The following CAST variants were observed in gnomAD, a reference collection of about 807,000 sequenced individuals.
CAST encodes the protein MIR583 host.
A neutral mutation model predicts 119.6 loss-of-function variants in CAST; 76 were observed. The observed-to-expected ratio is 0.64, with a 90% CI of 0.53 to 0.77. The LOEUF is 0.77. Among genes scored for constraint, CAST ranks in the 30% least tolerant of loss-of-function variants. The probability of loss-of-function intolerance (pLI) is 0.00; values close to 1 mark genes in which losing one functional copy is unlikely to be tolerated. For synonymous variants in CAST, 319 were observed against 331.6 expected, an observed-to-expected ratio of 0.96 and a Z score of 0.41; for missense variants, 953 against 946.5, an observed-to-expected ratio of 1.01 and a Z score of -0.09.
chr5:96,464,495 C>G, the CAST span, among the ~76,000 whole-genome samples: 180 of 152,062 alleles, frequency 1.2e-3, 1 homozygote, highest in Admixed American at 7.3e-3. Context: ...TGCCAGTATA[C>G]TAGAGATTTT....
chr5:96,172,822 C>T, the CAST span, among the ~76,000 whole-genome samples: 1 of 152,168 alleles, frequency 6.6e-6, no homozygotes, highest in Non-Finnish European at 1.5e-5. Flanking sequence ...CCAGGAACAA[C>T]GCTTAAATGA....
intron 16 of CAST, chr5:96,743,415 C>G (rs924906038): frequency 2.1e-6 from 1 of 482,560 alleles, no homozygotes; most frequent in Non-Finnish European, 3.6e-6. Context: ...GTTGCCGGTT[C>G]CTGACAAGGC....
the CAST span, among the ~76,000 whole-genome samples, chr5:96,095,437 T>G: frequency 6.6e-6 from 1 of 151,224 alleles, no homozygotes; most frequent in Non-Finnish European, 1.5e-5. Context: ...GCCAGGTGCC[T>G]GTATTCCCAG....
chr5:96,392,173 A>T, the CAST span: 1 of 137,500 alleles, frequency 7.3e-6, no homozygotes. Flanking sequence ...CCCAAGTGTA[A>T]GTTTTTTTTT....
At chr5:96,612,825 G>A (rs1747387394) in intron 1 of CAST, among the ~76,000 whole-genome samples, 1 of 152,040 alleles carries the variant, frequency 6.6e-6, no homozygotes, top group Non-Finnish European at 1.5e-5. Flanking sequence ...TTATCTTTGT[G>A]TATGATATAA....
chr5:96,658,047 C>G (rs187161564), upstream of CAST, among the ~76,000 whole-genome samples: 2 of 151,770 alleles, frequency 1.3e-5, no homozygotes, highest in Non-Finnish European at 2.9e-5. Context: ...TGCGGTGAGC[C>G]GAGATCATGC....
At chr5:96,590,309 A>G (rs1490174718) in intron 1 of CAST, among the ~76,000 whole-genome samples, 1 of 152,220 alleles carries the variant, frequency 6.6e-6, no homozygotes, top group Non-Finnish European at 1.5e-5. Context: ...AGAAGCATTG[A>G]TATAGTTAAC....
the CAST span, among the ~76,000 whole-genome samples, chr5:96,453,604 T>A: frequency 6.6e-6 from 1 of 152,224 alleles, no homozygotes. Flanking sequence ...GTGGTTTTCC[T>A]ATTGACCTAT....
At chr5:96,621,257 A>G (rs532910619) in intron 1 of CAST, among the ~76,000 whole-genome samples, 12 of 152,342 alleles carry the variant, frequency 7.9e-5, no homozygotes, top group Non-Finnish European at 1.2e-4. Flanking sequence ...TTTGGTGGCT[A>G]TATCAGTTCA....
chr5:96,635,224 C>T (rs2150202429), intron 1 of CAST, among the ~76,000 whole-genome samples: 1 of 152,294 alleles, frequency 6.6e-6, no homozygotes, highest in Admixed American at 6.5e-5. Flanking sequence ...CTGAGAAAGG[C>T]ATTTTTGCTG....
intron 11 of CAST, among the ~76,000 whole-genome samples, chr5:96,738,644 ACATGCCAGC>A (rs1394545314): frequency 1.3e-5 from 2 of 151,818 alleles, no homozygotes; most frequent in African/African-American, 2.4e-5. Context: ...TAAAAAAAAG[ACATGCCAGC>A]CAGGCATGGT....
chr5:96,262,255 C>T, the CAST span, among the ~76,000 whole-genome samples: 10 of 152,136 alleles, frequency 6.6e-5, no homozygotes, highest in African/African-American at 1.9e-4. Context: ...AGGCAGCACA[C>T]GTAGCAGATG....
the CAST span, among the ~76,000 whole-genome samples, chr5:96,363,241 T>A: frequency 6.7e-6 from 1 of 149,308 alleles, no homozygotes. Context: ...ACTGTAGCCT[T>A]GTAGTATAGT....
At chr5:96,305,745 T>C in the CAST span, among the ~76,000 whole-genome samples, 7 of 151,034 alleles carry the variant, frequency 4.6e-5, no homozygotes, top group African/African-American at 1.7e-4. Flanking sequence ...GTTTATGTGA[T>C]GGATTATGTT....
chr5:96,003,607 AGTTT>A, the CAST span, among the ~76,000 whole-genome samples: 1 of 152,120 alleles, frequency 6.6e-6, no homozygotes, highest in South Asian at 2.1e-4. Context: ...TTGCTTGCAC[AGTTT>A]GTTTCACAGT....
At chr5:96,245,367 T>G in the CAST span, among the ~76,000 whole-genome samples, 3 of 152,178 alleles carry the variant, frequency 2.0e-5, no homozygotes, top group Non-Finnish European at 4.4e-5. Flanking sequence ...TTTTAGAGCA[T>G]CTATAGTCAA....
the CAST span, among the ~76,000 whole-genome samples, chr5:96,265,870 A>G: frequency 6.6e-6 from 1 of 152,186 alleles, no homozygotes; most frequent in Non-Finnish European, 1.5e-5. Context: ...CCAATAATAT[A>G]TAGACAAATT....
chr5:96,049,920 A>AAAAAAG, the CAST span, among the ~76,000 whole-genome samples: 1 of 149,252 alleles, frequency 6.7e-6, no homozygotes, highest in Non-Finnish European at 1.5e-5. Flanking sequence ...AAAAAAAAGA[A>AAAAAAG]AAAGAAAAAA....
chr5:96,401,249 T>TG, the CAST span, among the ~76,000 whole-genome samples: 5 of 151,782 alleles, frequency 3.3e-5, no homozygotes, highest in African/African-American at 1.2e-4. Flanking sequence ...GAAAACTTTG[T>TG]GGGGGAGAAA....
Sources: allele counts gnomAD v4.1 joint callset (sites outside exome capture counted in the v4.1 genomes callset), GRCh38; gene constraint gnomAD v4.1.1; transcripts MANE v1.5; gene names NCBI Gene and HGNC (gene_info 2026-07-23, HGNC 2026-07-21).